CLNS1A: variants seen among roughly 807,000 people sequenced by gnomAD.
CLNS1A encodes methylosome subunit pICln.
Under a neutral mutation model 29.4 loss-of-function variants are expected in CLNS1A, and 16 were observed. That is an observed-to-expected ratio of 0.54 (90% CI 0.37 to 0.83). The LOEUF is 0.83. Among genes scored for constraint, CLNS1A ranks in the 40% least tolerant of loss-of-function variants. CLNS1A has a pLI of 0.00. For synonymous variants in CLNS1A, 96 were observed against 104.8 expected (o/e 0.92, Z 0.51); for missense variants, 235 against 287.4 (o/e 0.82, Z 1.32).
intron 5 of CLNS1A, 31 bp downstream of exon 5, chr11:77,622,469 C>A (rs375032831): frequency 2.1e-4 from 314 of 1,528,410 alleles, no homozygotes; most frequent in Non-Finnish European, 2.6e-4. Flanking sequence ...AAGTGCTCAT[C>A]TGACTGTTCA....
chr11:77,623,370 G>A (rs1456437651), intron 4 of CLNS1A, among the ~76,000 whole-genome samples: 2 of 152,084 alleles, frequency 1.3e-5, no homozygotes, highest in Non-Finnish European at 2.9e-5. Context: ...TGGGAGGACT[G>A]CTTGAGCCCA....
chr11:77,631,422 G>A (rs768167513), intron 1 of CLNS1A, among the ~76,000 whole-genome samples: 6 of 150,878 alleles, frequency 4.0e-5, no homozygotes, highest in African/African-American at 7.3e-5. Context: ...TCGGGTTCAC[G>A]CCATTCTCTT....
intron 4 of CLNS1A, among the ~76,000 whole-genome samples, chr11:77,623,735 C>T (rs1216601409): frequency 2.0e-5 from 3 of 152,028 alleles, no homozygotes; most frequent in African/African-American, 4.8e-5. Context: ...TTATCTCAGG[C>T]CAGGAAGTGG....
chr11:77,618,174 A>G (rs966956726), intron 6 of CLNS1A, among the ~76,000 whole-genome samples: 3 of 152,228 alleles, frequency 2.0e-5, no homozygotes, highest in Non-Finnish European at 4.4e-5. Context: ...TGTATAGTCT[A>G]TTCTTCAAAA....
intron 1 of CLNS1A, among the ~76,000 whole-genome samples, chr11:77,634,374 T>C (rs2135779364): frequency 6.6e-6 from 1 of 152,328 alleles, no homozygotes; most frequent in East Asian, 1.9e-4. Context: ...TGTATATATA[T>C]GTACACAGTA....
intron 1 of CLNS1A, among the ~76,000 whole-genome samples, chr11:77,634,225 T>G (rs1388636831): frequency 6.6e-6 from 1 of 152,172 alleles, no homozygotes; most frequent in East Asian, 1.9e-4. Context: ...TCTGTTGCTG[T>G]CCCTCTCTGC....
chr11:77,618,239 A>T (rs1168862848), intron 6 of CLNS1A, among the ~76,000 whole-genome samples: 2 of 152,248 alleles, frequency 1.3e-5, no homozygotes, highest in African/African-American at 4.8e-5. Flanking sequence ...GCAATAAAAC[A>T]GTTACTAAAA....
At chr11:77,617,781 G>C (rs898533903) in intron 6 of CLNS1A, among the ~76,000 whole-genome samples, 2 of 151,950 alleles carry the variant, frequency 1.3e-5, no homozygotes, top group African/African-American at 4.8e-5. Context: ...AGCCAGGCGT[G>C]GTGGCGCGCG....
intron 1 of CLNS1A, among the ~76,000 whole-genome samples, chr11:77,632,621 C>CT (rs36112856): frequency 1.1e-3 from 171 of 149,582 alleles, no homozygotes; most frequent in African/African-American, 3.4e-3. Flanking sequence ...TCGTTAAATT[C>CT]TTTTTTTTTT....
chr11:77,617,093 TGTG>T (rs1958911697), intron 6 of CLNS1A, among the ~76,000 whole-genome samples: 1 of 152,056 alleles, frequency 6.6e-6, no homozygotes, highest in Non-Finnish European at 1.5e-5. Flanking sequence ...CACAGCCAGG[TGTG>T]GTGGCTCACA....
chr11:77,637,761 C>CA lies in CLNS1A; in HGVS notation c.-48dup. The CA allele has an allele frequency of 1.3e-6, 2 of 1,528,548 alleles. No homozygotes were observed. Among genetic ancestry groups the CA allele is most frequent in the Non-Finnish European group, 1.8e-6 (2 of 1,134,304 alleles). The allele number at this position is 1,528,548 out of a possible 1,614,324, so 94.7% of individuals were successfully genotyped here. A position where few individuals can be genotyped will look rare whatever the true frequency, so the allele number is the denominator to read the frequency against. ...AGGCCCTGAGGGAGTTGGAGCACAGCAATGCGTGCACCACACCGCCCGCCC... is the reference window on the plus strand; with the variant it reads ...AGGCCCTGAGGGAGTTGGAGCACAGCAAATGCGTGCACCACACCGCCCGCCC... On this transcript the variant is annotated 5_prime_UTR_variant, in exon 1 of 7. Coordinates refer to ENST00000525428, the MANE Select transcript of CLNS1A (RefSeq NM_001293.3).
At chr11:77,634,502 G>A (rs1959104038) in intron 1 of CLNS1A, among the ~76,000 whole-genome samples, 1 of 152,070 alleles carries the variant, frequency 6.6e-6, no homozygotes, top group African/African-American at 2.4e-5. Context: ...AAGGTGGGTG[G>A]ATCATGAGGT....
chr11:77,618,562 T>C lies in CLNS1A; in HGVS notation c.*22+1044A>G, dbSNP rs550484748. ...AGAGGTTATTTTCTGATAGTTCCAC[T>C]GGCAGGATGTGAGAAGAAAGCACAG... On this transcript the variant is annotated intron_variant, in intron 6 of 6. Transcript: ENST00000525428. 1.1e-4 allele frequency: 16 copies of C among 152,358 alleles called. No individual in the cohort carries two copies. In the East Asian group the frequency reaches 2.9e-3, roughly 27 times the overall value. 9.4% of individuals were successfully genotyped at this position (152,358 alleles called of 1,614,324 possible). A position where few individuals can be genotyped will look rare whatever the true frequency, so the allele number is the denominator to read the frequency against.
rs182904830 is a variant in CLNS1A, at chr11:77,632,874, G to T, written c.126-2975C>A. Among the ~76,000 whole-genome samples, 461 of 152,062 alleles carry T rather than the reference G, an allele frequency of 3.0e-3. 2 individuals carry two copies. The highest frequency in any genetic ancestry group is 0.01 in the African/African-American group (430 of 41,494). ...AGGCCGAGGTGGATGGATCACCTGA[G>T]GTCAGGAGTTCCAGACCAGACTACC... On this transcript the variant is annotated intron_variant, in intron 1 of 6. Transcript: ENST00000525428.
chr11:77,619,591 A>G lies in CLNS1A; in HGVS notation c.*22+15T>C, dbSNP rs1176626717. Reference sequence around the variant, plus strand: ...TTTTCATGATCAGCGACAAGGGAGAAAATGAACTACTCACCTTAAACTTGC... The same window carrying G: ...TTTTCATGATCAGCGACAAGGGAGAGAATGAACTACTCACCTTAAACTTGC... On this transcript the variant is annotated intron_variant, in intron 6 of 6. Transcript: ENST00000525428. The G allele has an allele frequency of 2.0e-6, 3 of 1,466,742 alleles. No homozygotes were observed. Among genetic ancestry groups the G allele is most frequent in the Non-Finnish European group, 2.9e-6 (3 of 1,045,736 alleles). 90.9% of individuals were successfully genotyped at this position (1,466,742 alleles called of 1,614,324 possible). A position where few individuals can be genotyped will look rare whatever the true frequency, so the allele number is the denominator to read the frequency against.
intron 1 of CLNS1A, among the ~76,000 whole-genome samples, chr11:77,632,129 T>C (rs1959080742): frequency 6.6e-6 from 1 of 152,230 alleles, no homozygotes; most frequent in African/African-American, 2.4e-5. Flanking sequence ...AAAGAAACAT[T>C]GTATTATGTA....
chr11:77,637,241 GTT>G (rs1959136246), intron 1 of CLNS1A, among the ~76,000 whole-genome samples: 1 of 7,212 alleles, frequency 1.4e-4, no homozygotes, highest in Non-Finnish European at 2.2e-4. Context: ...AAATAGGCGA[GTT>G]AAAAAAAAAA....
intron 1 of CLNS1A, among the ~76,000 whole-genome samples, chr11:77,637,253 A>AAAAAAAAAG (rs1554980852): frequency 1.4e-5 from 2 of 147,108 alleles, no homozygotes; most frequent in Admixed American, 1.3e-4. Context: ...TAAAAAAAAA[A>AAAAAAAAAG]AAAAAAGAAA....
chr11:77,637,385 G>A lies in CLNS1A; in HGVS notation c.125+205C>T, dbSNP rs576810184. The stretch of plus-strand genomic sequence containing the variant: ...AATCCATAAGGGGAAATTCCGGCCG[G>A]AGAAAACAGAGAATGGAAGACTCCG... On this transcript the variant is annotated intron_variant, in intron 1 of 6. Coordinates refer to ENST00000525428, the MANE Select transcript of CLNS1A (RefSeq NM_001293.3). Among the ~76,000 whole-genome samples the A allele has an allele frequency of 3.0e-3, 450 of 148,574 alleles. 1 individual carries two copies. The highest frequency in any genetic ancestry group is 4.8e-3 in the Non-Finnish European group (327 of 67,508).
Sources: allele counts gnomAD v4.1 joint callset (sites outside exome capture counted in the v4.1 genomes callset), GRCh38; gene constraint gnomAD v4.1.1; transcripts MANE v1.5; gene names NCBI Gene and HGNC (gene_info 2026-07-23, HGNC 2026-07-21).